ARL15: variants seen among roughly 807,000 people sequenced by gnomAD.
ARL15 encodes the protein ADP-ribosylation factor-like protein 15.
ARL15 carries 19 observed loss-of-function variants against 25.2 expected under a neutral mutation model. The observed-to-expected ratio is 0.75, with a 90% CI of 0.53 to 1.10. The LOEUF (loss-of-function observed/expected upper bound fraction) is 1.10. Ranked by LOEUF, ARL15 falls within the 50% of genes least tolerant of loss-of-function variation. ARL15 has a pLI of 0.00. For synonymous variants in ARL15, 94 were observed against 86.8 expected, an observed-to-expected ratio of 1.08 and a Z score of -0.46; for missense variants, 220 against 246.0, an observed-to-expected ratio of 0.89 and a Z score of 0.71.
intron 4 of ARL15, among the ~76,000 whole-genome samples, chr5:54,018,950 C>A (rs1749507058): frequency 6.6e-6 from 1 of 152,112 alleles, no homozygotes; most frequent in Non-Finnish European, 1.5e-5. Flanking sequence ...TAAGATAATG[C>A]ATGTAGGCTA....
chr5:53,937,863 G>A (rs902627197), intron 4 of ARL15, among the ~76,000 whole-genome samples: 3 of 151,588 alleles, frequency 2.0e-5, no homozygotes, highest in African/African-American at 7.3e-5. Context: ...GGGGTGAAGT[G>A]GGTATGAAAC....
intron 4 of ARL15, among the ~76,000 whole-genome samples, chr5:53,887,205 C>A (rs929789845): frequency 3.3e-5 from 5 of 152,264 alleles, no homozygotes; most frequent in Admixed American, 2.6e-4. Flanking sequence ...TTTAAATAAT[C>A]TTCTTCTCTT....
intron 4 of ARL15, among the ~76,000 whole-genome samples, chr5:53,942,713 T>G (rs1205574743): frequency 6.6e-6 from 1 of 152,124 alleles, no homozygotes; most frequent in Non-Finnish European, 1.5e-5. Flanking sequence ...GCCACTGCAC[T>G]CCAGCCTGGG....
chr5:54,041,838 G>A (rs78116560), intron 4 of ARL15, among the ~76,000 whole-genome samples: 7,099 of 152,258 alleles, frequency 0.047, 233 homozygotes, highest in Middle Eastern at 0.075. Context: ...GAGAAAAGGC[G>A]GAGCAAGGAT....
At chr5:54,112,824 T>C (rs1224954515) in intron 4 of ARL15, among the ~76,000 whole-genome samples, 1 of 152,118 alleles carries the variant, frequency 6.6e-6, no homozygotes, top group African/African-American at 2.4e-5. Context: ...ACATGACACC[T>C]GAAGGCGAGT....
intron 3 of ARL15, among the ~76,000 whole-genome samples, chr5:54,141,942 G>A (rs1753793686): frequency 2.0e-5 from 3 of 152,136 alleles, no homozygotes; most frequent in Non-Finnish European, 2.9e-5. Flanking sequence ...TTATACAGAT[G>A]TACTACAGTT....
At chr5:54,216,261 A>T (rs1415484850) in intron 1 of ARL15, among the ~76,000 whole-genome samples, 1 of 152,192 alleles carries the variant, frequency 6.6e-6, no homozygotes, top group Non-Finnish European at 1.5e-5. Flanking sequence ...ACTCAACAGC[A>T]TCACTTCAAT....
At chr5:54,185,128 T>G (rs1755200957) in intron 1 of ARL15, among the ~76,000 whole-genome samples, 1 of 152,086 alleles carries the variant, frequency 6.6e-6, no homozygotes, top group Non-Finnish European at 1.5e-5. Flanking sequence ...CACACAAAAC[T>G]TAATTGATAA....
chr5:54,162,676 T>C (rs1355720667), intron 2 of ARL15, among the ~76,000 whole-genome samples: 1 of 152,182 alleles, frequency 6.6e-6, no homozygotes, highest in Non-Finnish European at 1.5e-5. Flanking sequence ...TATCTGCTTC[T>C]ATTCTTATGG....
At chr5:54,178,547 T>C (rs1472670127) in intron 1 of ARL15, among the ~76,000 whole-genome samples, 1 of 152,220 alleles carries the variant, frequency 6.6e-6, no homozygotes, top group Non-Finnish European at 1.5e-5. Flanking sequence ...CATGAGTTAG[T>C]ACCTAAAGGG....
intron 4 of ARL15, among the ~76,000 whole-genome samples, chr5:54,072,505 T>A (rs887907118): frequency 6.6e-6 from 1 of 152,170 alleles, no homozygotes; most frequent in Non-Finnish European, 1.5e-5. Flanking sequence ...GCTATCATCA[T>A]GTGGTCTAAA....
At chr5:54,223,049 C>T (rs1420028478) in intron 1 of ARL15, among the ~76,000 whole-genome samples, 1 of 147,882 alleles carries the variant, frequency 6.8e-6, no homozygotes, top group Middle Eastern at 3.3e-3. Flanking sequence ...GTCTAGAACT[C>T]CTGACCTCAT....
intron 1 of ARL15, among the ~76,000 whole-genome samples, chr5:54,260,639 G>GA (rs1418464541): frequency 6.6e-6 from 1 of 152,132 alleles, no homozygotes; most frequent in Non-Finnish European, 1.5e-5. Context: ...ACCCTGATTT[G>GA]AAAAAATTCT....
chr5:54,115,947 T>A (rs1031828635), intron 3 of ARL15, among the ~76,000 whole-genome samples: 3 of 152,038 alleles, frequency 2.0e-5, no homozygotes, highest in African/African-American at 7.3e-5. Flanking sequence ...TACACCCGAT[T>A]TAGAGGGAGT....
chr5:54,003,811 C>T (rs1748930220), intron 4 of ARL15, among the ~76,000 whole-genome samples: 1 of 152,048 alleles, frequency 6.6e-6, no homozygotes, highest in African/African-American at 2.4e-5. Context: ...AAAAATACAG[C>T]TAATGGGCAT....
At chr5:54,087,482 G>A (rs1752002166) in intron 4 of ARL15, among the ~76,000 whole-genome samples, 1 of 152,130 alleles carries the variant, frequency 6.6e-6, no homozygotes, top group African/African-American at 2.4e-5. Context: ...TCAAAAGCAT[G>A]TCATGGTTAG....
chr5:53,999,799 G>A (rs1469481999), intron 4 of ARL15, among the ~76,000 whole-genome samples: 1 of 151,714 alleles, frequency 6.6e-6, no homozygotes, highest in Admixed American at 6.6e-5. Context: ...AGGAGGCTGA[G>A]GCAGGAGAAT....
intron 2 of ARL15, among the ~76,000 whole-genome samples, chr5:54,164,010 G>A (rs1168802369): frequency 6.6e-6 from 1 of 151,880 alleles, no homozygotes; most frequent in Non-Finnish European, 1.5e-5. Context: ...TTTCTGAATA[G>A]ACATTTAGTG....
At chr5:54,234,630 G>C (rs1226024824) in intron 1 of ARL15, among the ~76,000 whole-genome samples, 2 of 152,166 alleles carry the variant, frequency 1.3e-5, no homozygotes, top group African/African-American at 4.8e-5. Context: ...TAGTGTCCAT[G>C]TTTAAGAATT....
Sources: gnomAD v4.1 joint callset for allele counts (sites outside exome capture counted in the v4.1 genomes callset) on GRCh38, gnomAD v4.1.1 for gene constraint, MANE v1.5 for transcripts, NCBI Gene and HGNC (gene_info 2026-07-23, HGNC 2026-07-21) for gene names.